MGMT: variants seen among roughly 807,000 people sequenced by gnomAD.
MGMT encodes the protein O-6-methylguanine-DNA methyltransferase.
MGMT carries 14 observed loss-of-function variants against 15.9 expected under a neutral mutation model. That is an observed-to-expected ratio of 0.88 (90% CI 0.58 to 1.37). MGMT has a LOEUF of 1.37. Among genes scored for constraint, MGMT ranks in the 40% most tolerant of loss-of-function variants. MGMT has a pLI of 0.00. For missense variants in MGMT, 282 were observed against 268.1 expected, an observed-to-expected ratio of 1.05 and a Z score of -0.36; for synonymous variants, 130 against 118.2, an observed-to-expected ratio of 1.10 and a Z score of -0.65.
In MGMT at chr10:129,658,579, A is replaced by G. The variant is rs992096443; in HGVS notation, c.126-49316A>G. ...TTCACATATCTAAATATCTAATATC[A>G]TGCTTTGAGAATTGAAGCCCAGCCT... On this transcript the variant is annotated intron_variant, in intron 2 of 4. Coordinates refer to ENST00000651593, the MANE Select transcript of MGMT (RefSeq NM_002412.5). Among the ~76,000 whole-genome samples the G allele has an allele frequency of 1.4e-4, 22 of 152,194 alleles. 1 individual carries two copies. The highest frequency in any genetic ancestry group is 1.4e-3 in the Admixed American group (22 of 15,284).
chr10:129,663,501 G>A (rs1274348389), intron 2 of MGMT, among the ~76,000 whole-genome samples: 2 of 151,938 alleles, frequency 1.3e-5, no homozygotes, highest in African/African-American at 2.4e-5. Context: ...AAATAACGAA[G>A]TAGAGAAGGA....
At chr10:129,703,106 T>G (rs1311194127) in intron 2 of MGMT, among the ~76,000 whole-genome samples, 3 of 152,204 alleles carry the variant, frequency 2.0e-5, no homozygotes, top group Non-Finnish European at 4.4e-5. Flanking sequence ...AATCATTGCT[T>G]CAGAATCAAA....
chr10:129,702,832 G>A (rs1848115287), intron 2 of MGMT, among the ~76,000 whole-genome samples: 1 of 152,202 alleles, frequency 6.6e-6, no homozygotes, highest in South Asian at 2.1e-4. Flanking sequence ...ATTTCCATGA[G>A]CGTGGGCTAC....
At chr10:129,654,722 G>A (rs996276231) in intron 2 of MGMT, among the ~76,000 whole-genome samples, 24 of 152,022 alleles carry the variant, frequency 1.6e-4, no homozygotes, top group African/African-American at 9.7e-5. Context: ...CCGGGGTCTC[G>A]GGAAGCTTGT....
At chr10:129,613,037 G>A (rs995584211) in intron 2 of MGMT, among the ~76,000 whole-genome samples, 1 of 152,150 alleles carries the variant, frequency 6.6e-6, no homozygotes, top group Non-Finnish European at 1.5e-5. Context: ...GTGCTGGCCT[G>A]TCTAAAACAT....
At chr10:129,757,637 T>A (rs1046397868) in intron 3 of MGMT, among the ~76,000 whole-genome samples, 15 of 152,240 alleles carry the variant, frequency 9.9e-5, no homozygotes, top group Non-Finnish European at 1.8e-4. Flanking sequence ...TGCTTTGCTT[T>A]TTTTTAAAGT....
rs746504578 is a variant in MGMT, at chr10:129,505,557, G to C, written c.-12-30684G>C. Among the ~76,000 whole-genome samples the C allele has an allele frequency of 9.4e-4, 143 of 152,322 alleles. 1 individual carries two copies. Among genetic ancestry groups the C allele is most frequent in the African/African-American group, 2.4e-3 (100 of 41,568 alleles). ...GTTCTTTGTCTTACTCTGGGTGTGA[G>C]CAAGCTGGTCTTTTCCTTCTTTAAA... On this transcript the variant is annotated intron_variant, in intron 1 of 4. Transcript: ENST00000651593.
At chr10:129,591,555 A>C (rs940472929) in intron 2 of MGMT, among the ~76,000 whole-genome samples, 4 of 152,212 alleles carry the variant, frequency 2.6e-5, no homozygotes, top group African/African-American at 9.6e-5. Flanking sequence ...ACCTAGATCC[A>C]GGCCAGGCCC....
intron 2 of MGMT, among the ~76,000 whole-genome samples, chr10:129,588,144 A>T (rs576175): frequency 0.41 from 61,686 of 152,052 alleles, 13,186 homozygotes; most frequent in East Asian, 0.64. Flanking sequence ...TGGCTAGACA[A>T]AAAACAGGAC....
chr10:129,515,991 G>C (rs1845734360), intron 1 of MGMT, among the ~76,000 whole-genome samples: 1 of 152,320 alleles, frequency 6.6e-6, no homozygotes, highest in East Asian at 1.9e-4. Flanking sequence ...TCTAAACGCA[G>C]TCTTTGAACT....
chr10:129,573,575 T>C (rs1049353969), intron 2 of MGMT, among the ~76,000 whole-genome samples: 10 of 152,230 alleles, frequency 6.6e-5, no homozygotes. Context: ...AAATGTTGTT[T>C]TTCATATTTT....
chr10:129,499,707 T>C (rs1444791513), intron 1 of MGMT, among the ~76,000 whole-genome samples: 1 of 152,240 alleles, frequency 6.6e-6, no homozygotes, highest in Non-Finnish European at 1.5e-5. Flanking sequence ...TTAAGGGTGA[T>C]ACAGTATTCA....
intron 2 of MGMT, among the ~76,000 whole-genome samples, chr10:129,605,550 TC>T (rs1846878957): frequency 6.6e-6 from 1 of 152,132 alleles, no homozygotes. Flanking sequence ...AGAAAATAAT[TC>T]TTTTCAACAA....
intron 2 of MGMT, among the ~76,000 whole-genome samples, chr10:129,636,202 G>A (rs750197608): frequency 2.0e-5 from 3 of 152,138 alleles, no homozygotes; most frequent in Non-Finnish European, 2.9e-5. Context: ...AAAGTGCCTC[G>A]TATTTTCTCA....
At chr10:129,474,081 G>A (rs1455844882) in intron 1 of MGMT, among the ~76,000 whole-genome samples, 1 of 152,252 alleles carries the variant, frequency 6.6e-6, no homozygotes, top group African/African-American at 2.4e-5. Flanking sequence ...GACTATGGAT[G>A]CGGGTACATT....
intron 2 of MGMT, among the ~76,000 whole-genome samples, chr10:129,609,798 G>C (rs940789311): frequency 6.6e-6 from 1 of 152,132 alleles, no homozygotes; most frequent in African/African-American, 2.4e-5. Context: ...GTGCAGAGGA[G>C]GAGGAGCAGT....
chr10:129,737,403 A>G (rs1480581739), intron 3 of MGMT, among the ~76,000 whole-genome samples: 1 of 152,092 alleles, frequency 6.6e-6, no homozygotes, highest in Non-Finnish European at 1.5e-5. Flanking sequence ...TTTCAGCTCC[A>G]TCAGCTCCTT....
At chr10:129,763,089 A>G (rs1273142330) in intron 4 of MGMT, among the ~76,000 whole-genome samples, 2 of 152,142 alleles carry the variant, frequency 1.3e-5, no homozygotes, top group East Asian at 1.9e-4. Context: ...AAACAAATCT[A>G]TGGGTTTGGA....
intron 2 of MGMT, among the ~76,000 whole-genome samples, chr10:129,642,642 G>A (rs1222219438): frequency 6.6e-6 from 1 of 152,176 alleles, no homozygotes; most frequent in Non-Finnish European, 1.5e-5. Context: ...TCTTTGAACT[G>A]ACTGTCCTTC....
Sources: gnomAD v4.1 joint callset for allele counts (sites outside exome capture counted in the v4.1 genomes callset) on GRCh38, gnomAD v4.1.1 for gene constraint, MANE v1.5 for transcripts, NCBI Gene and HGNC (gene_info 2026-07-23, HGNC 2026-07-21) for gene names.